Variants in NCOR2 observed in about 807,000 individuals in gnomAD.
NCOR2 encodes the protein nuclear receptor corepressor 2.
NCOR2 carries 81 observed loss-of-function variants against 262.9 expected under a neutral mutation model. The observed-to-expected ratio is 0.31, with a 90% CI of 0.26 to 0.37. The LOEUF (loss-of-function observed/expected upper bound fraction) is 0.37, where lower values mean the gene tolerates loss of function less well. Among genes scored for constraint, NCOR2 ranks in the 10% least tolerant of loss-of-function variants. The probability of loss-of-function intolerance (pLI) is 1.00; values close to 1 mark genes in which losing one functional copy is unlikely to be tolerated. For synonymous variants in NCOR2, 1,659 were observed against 1,559.3 expected (o/e 1.06, Z -1.51); for missense variants, 3,385 against 3,621.4 (o/e 0.93, Z 1.68).
At chr12:124,445,330 C>T (rs1282632330) in intron 7 of NCOR2, among the ~76,000 whole-genome samples, 1 of 152,224 alleles carries the variant, frequency 6.6e-6, no homozygotes, top group African/African-American at 2.4e-5. Context: ...CCCTCTGCGG[C>T]TGCCCCGGCC....
At chr12:124,341,998 G>T in exon 34 of NCOR2, 1 of 1,613,500 alleles carries the variant, frequency 6.2e-7, no homozygotes, top group South Asian at 1.1e-5. Context: ...CGGGGTAGCC[G>T]CGGATGAGGT....
exon 40 of NCOR2, chr12:124,335,233 G>A (rs1305386980): frequency 3.1e-6 from 5 of 1,609,784 alleles, no homozygotes; most frequent in South Asian, 2.2e-5. Context: ...TCAGGCAGCG[G>A]CCGCAGGTGT....
In NCOR2 at chr12:124,389,006, G is replaced by C. The variant is rs925177676; in HGVS notation, c.1877-3119C>G. Among the ~76,000 whole-genome samples the C allele has an allele frequency of 1.3e-5, 2 of 152,052 alleles. No homozygotes were observed. The highest frequency in any genetic ancestry group is 2.9e-5 in the Non-Finnish European group (2 of 67,994). ...GTGGCCCGGGGCTCCTCCAGCGGCC[G>C]CTGCCACCTCTGACGCCGTCCCCAA... On this transcript the variant is annotated intron_variant, in intron 16 of 46. Transcript: ENST00000405201. The surrounding 1 kb of genome is among the most constrained non-coding windows in gnomAD (Gnocchi z 4.4).
chr12:124,456,977 C>T lies in NCOR2; in HGVS notation c.762+129G>A, dbSNP rs930128496. 19 of 888,618 alleles carry T rather than the reference C, an allele frequency of 2.1e-5. No homozygotes were observed. In the African/African-American group the frequency reaches 2.5e-4, roughly 12 times the overall value. The allele number at this position is 888,618 out of a possible 1,614,324, so 55.0% of individuals were successfully genotyped here. On this transcript the variant is annotated intron_variant, in intron 6 of 46. Coordinates refer to ENST00000405201, the Ensembl canonical transcript of NCOR2. ...AGGAAGGTGGGTTTCCTGCTTCCTCCGCGGACGCCGCCTGGGCAGCGCTTG... is the reference window on the plus strand; with the variant it reads ...AGGAAGGTGGGTTTCCTGCTTCCTCTGCGGACGCCGCCTGGGCAGCGCTTG...
Position 124,503,755 on chromosome 12 carries a change from C to CATGG in NCOR2, c.-117-8391_-117-8388dup, listed in dbSNP as rs140020991. Among the ~76,000 whole-genome samples, 34 of 146,780 alleles carry CATGG rather than the reference C, an allele frequency of 2.3e-4. No individual in the cohort carries two copies. The highest frequency in any genetic ancestry group is 3.4e-4 in the Admixed American group (5 of 14,830). On this transcript the variant is annotated intron_variant, in intron 1 of 46. Coordinates refer to the NCOR2 transcript ENST00000404621. The surrounding 1 kb of genome is among the most constrained non-coding windows in gnomAD (Gnocchi z 4.3). ...GGATGGACGGATGGATGCATGGATG[C>CATGG]ATGGATGGATGGATGGATGGATGGG...
At chr12:124,385,067 G>A (rs559581616) in intron 17 of NCOR2, among the ~76,000 whole-genome samples, 1 of 152,286 alleles carries the variant, frequency 6.6e-6, no homozygotes, top group South Asian at 2.1e-4. Flanking sequence ...GGAAGGGAAG[G>A]AGAGAGGGAA....
chr12:124,336,824 G>T (rs2035943564), exon 38 of NCOR2: 1 of 1,613,014 alleles, frequency 6.2e-7, no homozygotes, highest in South Asian at 1.1e-5. Context: ...CGGGTCCGAG[G>T]CCGAGGCAGG....
Position 124,345,375 on chromosome 12 carries a change from C to T in NCOR2, c.4360-424G>A, listed in dbSNP as rs574979224. 1.4e-4 allele frequency among the ~76,000 whole-genome samples: 21 copies of T among 152,242 alleles called. No homozygotes were observed. The South Asian group carries it at 3.3e-3, about 24-fold the overall frequency. On this transcript the variant is annotated intron_variant, in intron 31 of 46. Transcript: ENST00000405201. ...AAGTCAGCACCCAGACCCAATACTA[C>T]CCGCCCTGAGGCTTTCAGCCCCAGG...
In NCOR2 at chr12:124,431,837, GCAGA is replaced by G. The variant is rs1261598183; in HGVS notation, c.883-1054_883-1051del. Among the ~76,000 whole-genome samples the G allele has an allele frequency of 8.7e-5, 13 of 149,184 alleles. 1 individual carries two copies. The highest frequency in any genetic ancestry group is 4.0e-4 in the East Asian group (2 of 4,994). ...GACAGACAGACACACAGTCACACAG[GCAGA>G]CAGACAGTCATATAGGCAGATACAC... On this transcript the variant is annotated intron_variant, in intron 8 of 46. Transcript: ENST00000405201.
intron 39 of NCOR2, 86 bp from the exon 42 acceptor site, chr12:124,335,366 C>T: frequency 1.3e-6 from 2 of 1,500,934 alleles, no homozygotes; most frequent in Non-Finnish European, 8.9e-7. Flanking sequence ...CTTTGAGCCT[C>T]ATGATCCAGC....
chr12:124,405,322 C>T (rs1035169373), intron 13 of NCOR2, among the ~76,000 whole-genome samples: 3 of 152,242 alleles, frequency 2.0e-5, no homozygotes, highest in Non-Finnish European at 2.9e-5. Context: ...AGCCTTGCCG[C>T]CTCCTCTTCC....
chr12:124,458,521 G>A (rs1460411525), intron 5 of NCOR2, among the ~76,000 whole-genome samples: 1 of 152,184 alleles, frequency 6.6e-6, no homozygotes, highest in East Asian at 1.9e-4. Flanking sequence ...AGGTGCGGCT[G>A]GGGGCCAGAA....
At chr12:124,509,242 G>GGT (rs1411194174) in intron 1 of NCOR2, among the ~76,000 whole-genome samples, 2 of 132,216 alleles carry the variant, frequency 1.5e-5, no homozygotes, top group Non-Finnish European at 3.5e-5. Flanking sequence ...TGGTGGGGGG[G>GGT]GGGGGGGCTT....
chr12:124,484,707 G>A (rs2047682803), intron 2 of NCOR2, among the ~76,000 whole-genome samples: 1 of 152,180 alleles, frequency 6.6e-6, no homozygotes, highest in African/African-American at 2.4e-5. Context: ...TGGTGCAGAT[G>A]GCGCCTCCTT....
At chr12:124,332,069 G>A in intron 43 of NCOR2, 1 of 506,424 alleles carries the variant, frequency 2.0e-6, no homozygotes, top group Admixed American at 3.2e-5. Flanking sequence ...GGTATTCACT[G>A]GGCACCTACT....
chr12:124,490,408 A>G lies in NCOR2; in HGVS notation c.106-3840T>C, dbSNP rs11057636. Reference sequence around the variant, plus strand: ...CCGAGACGCCTGATAAGTATTTGCCAGATGGATGGATGGATGGATGGATGG... The same window carrying G: ...CCGAGACGCCTGATAAGTATTTGCCGGATGGATGGATGGATGGATGGATGG... On this transcript the variant is annotated intron_variant, in intron 1 of 46. Coordinates refer to ENST00000405201, the Ensembl canonical transcript of NCOR2. Among the ~76,000 whole-genome samples the G allele has an allele frequency of 4.6e-4, 58 of 126,368 alleles. 2 individuals are homozygous for G. In the South Asian group the frequency reaches 5.5e-3, roughly 12 times the overall value. The allele number at this position is 126,368 out of a possible 152,430, so 82.9% of individuals were successfully genotyped here.
intron 13 of NCOR2, among the ~76,000 whole-genome samples, chr12:124,406,598 C>T (rs988269945): frequency 3.9e-5 from 6 of 152,214 alleles, no homozygotes; most frequent in South Asian, 2.1e-4. Context: ...ACCCCGCCCT[C>T]GTGGTGGAGG....
At chr12:124,372,336 G>T in exon 20 of NCOR2, 1 of 1,520,306 alleles carries the variant, frequency 6.6e-7, no homozygotes. Flanking sequence ...GCGCTGCTGC[G>T]GTCTCCTCCT....
chr12:124,486,536 G>A (rs1218277556), exon 2 of NCOR2: 7 of 1,593,952 alleles, frequency 4.4e-6, no homozygotes, highest in Admixed American at 1.7e-5. Context: ...CATAGTCGCG[G>A]GAGTGGTGCT....
Sources: gnomAD v4.1 joint callset for allele counts (sites outside exome capture counted in the v4.1 genomes callset) on GRCh38, gnomAD v4.1.1 for gene constraint, Gnocchi (gnomAD v3.1) non-coding constraint, MANE v1.5 for transcripts, NCBI Gene and HGNC (gene_info 2026-07-23, HGNC 2026-07-21) for gene names.